The following ERGIC1 variants were observed in gnomAD, a reference collection of about 807,000 sequenced individuals.
The protein encoded by ERGIC1 is endoplasmic reticulum-golgi intermediate compartment 1, also known as endoplasmic reticulum-Golgi intermediate compartment protein 1.
Under a neutral mutation model 38.3 loss-of-function variants are expected in ERGIC1, and 19 were observed. That is an observed-to-expected ratio of 0.50 (90% CI 0.35 to 0.73). The LOEUF is 0.73. ERGIC1 is among the 30% of genes least tolerant of loss of function. ERGIC1 has a pLI of 0.01. For synonymous variants in ERGIC1, 124 were observed against 157.6 expected, an observed-to-expected ratio of 0.79 and a Z score of 1.60; for missense variants, 294 against 389.2, an observed-to-expected ratio of 0.76 and a Z score of 2.06.
intron 3 of ERGIC1, among the ~76,000 whole-genome samples, chr5:172,905,641 C>T (rs1055670958): frequency 2.0e-5 from 3 of 152,244 alleles, no homozygotes; most frequent in South Asian, 2.1e-4. Context: ...GCTGAATAAG[C>T]ACAGCGGACA....
chr5:172,857,400 A>G (rs1761575995), intron 1 of ERGIC1, among the ~76,000 whole-genome samples: 1 of 152,168 alleles, frequency 6.6e-6, no homozygotes, highest in Non-Finnish European at 1.5e-5. Flanking sequence ...GCTTATAAAT[A>G]TGCGTTCCTT....
chr5:172,943,874 C>G (rs1764062768), intron 9 of ERGIC1, among the ~76,000 whole-genome samples: 1 of 152,198 alleles, frequency 6.6e-6, no homozygotes, highest in African/African-American at 2.4e-5. Flanking sequence ...TCCAGTGCGG[C>G]TGGAACACAT....
At chr5:172,901,365 G>C (rs1762871738) in intron 3 of ERGIC1, among the ~76,000 whole-genome samples, 1 of 152,142 alleles carries the variant, frequency 6.6e-6, no homozygotes, top group Admixed American at 6.5e-5. Context: ...TTTTCAGGGA[G>C]CAGGCCCCTC....
intron 1 of ERGIC1, among the ~76,000 whole-genome samples, chr5:172,868,166 G>A (rs867067414): frequency 3.3e-5 from 5 of 152,194 alleles, no homozygotes; most frequent in Admixed American, 1.3e-4. Flanking sequence ...CCTTACATGC[G>A]TTTCTGCATT....
intron 9 of ERGIC1, chr5:172,935,520 A>G (rs1305845947): frequency 5.1e-6 from 3 of 585,728 alleles, no homozygotes; most frequent in East Asian, 5.7e-5. Context: ...TTTTGTCTAG[A>G]AAGTATTTTC....
chr5:172,942,895 G>A (rs988570233), intron 9 of ERGIC1, among the ~76,000 whole-genome samples: 11 of 152,132 alleles, frequency 7.2e-5, no homozygotes, highest in African/African-American at 1.4e-4. Context: ...TATTTGCTAC[G>A]TAAACCTTAA....
intron 1 of ERGIC1, among the ~76,000 whole-genome samples, chr5:172,848,397 C>T (rs780073932): frequency 1.1e-4 from 17 of 152,182 alleles, no homozygotes; most frequent in Non-Finnish European, 2.1e-4. Flanking sequence ...AAGGAGCTCA[C>T]TGGATTAGCT....
chr5:172,843,623 G>C (rs1277349370), intron 1 of ERGIC1, among the ~76,000 whole-genome samples: 3 of 152,250 alleles, frequency 2.0e-5, no homozygotes, highest in Non-Finnish European at 4.4e-5. Flanking sequence ...TCAGGGGAAA[G>C]TGGTATGTAG....
chr5:172,857,030 A>G (rs895476885), intron 1 of ERGIC1, among the ~76,000 whole-genome samples: 4 of 152,218 alleles, frequency 2.6e-5, no homozygotes, highest in Non-Finnish European at 4.4e-5. Flanking sequence ...GGGGAATTCA[A>G]GAGCTTTTTG....
At chr5:172,948,911 C>T (rs544853417) in intron 9 of ERGIC1, among the ~76,000 whole-genome samples, 1 of 152,134 alleles carries the variant, frequency 6.6e-6, no homozygotes, top group African/African-American at 2.4e-5. Context: ...AAAAATTAGC[C>T]AGGCATGGTG....
At chr5:172,855,145 C>T (rs2113059855) in intron 1 of ERGIC1, among the ~76,000 whole-genome samples, 1 of 152,314 alleles carries the variant, frequency 6.6e-6, no homozygotes, top group African/African-American at 2.4e-5. Flanking sequence ...GGTCACTGCA[C>T]CACCTACCAC....
chr5:172,891,040 C>T (rs1252830030), intron 2 of ERGIC1, among the ~76,000 whole-genome samples: 1 of 152,258 alleles, frequency 6.6e-6, no homozygotes, highest in Non-Finnish European at 1.5e-5. Flanking sequence ...GAGCAAGTCA[C>T]TCCCCTCTCT....
chr5:172,909,590 T>A, intron 3 of ERGIC1, 77 bp from the exon 4 acceptor site: 1 of 1,357,208 alleles, frequency 7.4e-7, no homozygotes, highest in Non-Finnish European at 1.1e-6. Context: ...CCAAGTGAAG[T>A]GATCCCCGGC....
chr5:172,913,404 G>A (rs545228782), intron 4 of ERGIC1, among the ~76,000 whole-genome samples: 2 of 152,356 alleles, frequency 1.3e-5, no homozygotes, highest in East Asian at 1.9e-4. Flanking sequence ...AGTGAAAAGC[G>A]GACCTGCTTG....
At chr5:172,907,606 A>T (rs901065025) in intron 3 of ERGIC1, among the ~76,000 whole-genome samples, 2 of 151,124 alleles carry the variant, frequency 1.3e-5, no homozygotes, top group African/African-American at 2.4e-5. Context: ...CACTGCAACC[A>T]CGGTGACCTT....
At chr5:172,867,635 C>A in intron 1 of ERGIC1, 1 of 339,304 alleles carries the variant, frequency 2.9e-6, no homozygotes, top group South Asian at 2.2e-5. Flanking sequence ...GGGCACTCAC[C>A]TCTCCCTTCT....
intron 7 of ERGIC1, among the ~76,000 whole-genome samples, chr5:172,931,628 A>G (rs1447689702): frequency 6.6e-6 from 1 of 152,218 alleles, no homozygotes; most frequent in African/African-American, 2.4e-5. Flanking sequence ...AAAACTATTC[A>G]GACAATGTCA....
chr5:172,898,920 G>A (rs966129347), intron 3 of ERGIC1, among the ~76,000 whole-genome samples: 45 of 152,164 alleles, frequency 3.0e-4, no homozygotes, highest in Admixed American at 2.6e-4. Flanking sequence ...ATCAGAGCTC[G>A]AAGCAGGGAG....
chr5:172,873,245 G>A (rs553432942), intron 1 of ERGIC1, among the ~76,000 whole-genome samples: 1 of 152,350 alleles, frequency 6.6e-6, no homozygotes, highest in African/African-American at 2.4e-5. Context: ...CCAGGAGGCC[G>A]TGTCCTGTTT....
Sources: gnomAD v4.1 joint callset for allele counts (sites outside exome capture counted in the v4.1 genomes callset) on GRCh38, gnomAD v4.1.1 for gene constraint, MANE v1.5 for transcripts, NCBI Gene and HGNC (gene_info 2026-07-23, HGNC 2026-07-21) for gene names.